The following NAALADL2 variants were observed in gnomAD, a reference collection of about 807,000 sequenced individuals.
The protein encoded by NAALADL2 is N-acetylated alpha-linked acidic dipeptidase like 2.
Under a neutral mutation model 87.2 loss-of-function variants are expected in NAALADL2, and 76 were observed. The ratio of observed to expected loss-of-function variants is 0.87; its 90% CI spans 0.72 to 1.05. NAALADL2 has a LOEUF of 1.05. Ranked by LOEUF, NAALADL2 falls within the 50% of genes least tolerant of loss-of-function variation. The probability of loss-of-function intolerance (pLI) is 0.00; values close to 1 mark genes in which losing one functional copy is unlikely to be tolerated. For missense variants in NAALADL2, 1,089 were observed against 945.8 expected (o/e 1.15, Z -1.99); for synonymous variants, 354 against 331.0 (o/e 1.07, Z -0.75).
intron 2 of NAALADL2, among the ~76,000 whole-genome samples, chr3:174,709,862 G>A (rs1260026788): frequency 6.6e-6 from 1 of 152,186 alleles, no homozygotes; most frequent in Non-Finnish European, 1.5e-5. Context: ...GGGCCGTATA[G>A]TGGAAATTTG....
chr3:175,349,383 A>G (rs1314817410), intron 5 of NAALADL2, among the ~76,000 whole-genome samples: 1 of 152,096 alleles, frequency 6.6e-6, no homozygotes, highest in Non-Finnish European at 1.5e-5. Context: ...GTAGCAGGCC[A>G]AAGAAGAAAT....
chr3:175,456,505 C>T (rs1470507493), intron 6 of NAALADL2, among the ~76,000 whole-genome samples: 2 of 151,940 alleles, frequency 1.3e-5, no homozygotes, highest in Non-Finnish European at 2.9e-5. Flanking sequence ...TAATTAACTG[C>T]CCCTAAATGT....
intron 13 of NAALADL2, among the ~76,000 whole-genome samples, chr3:175,767,166 C>G (rs1272044623): frequency 1.3e-5 from 2 of 151,920 alleles, no homozygotes; most frequent in Admixed American, 1.3e-4. Context: ...TGCTGCTTAA[C>G]CAGTCTGCTT....
chr3:174,698,970 T>C (rs1357981154), intron 2 of NAALADL2, among the ~76,000 whole-genome samples: 1 of 146,686 alleles, frequency 6.8e-6, no homozygotes, highest in Non-Finnish European at 1.5e-5. Context: ...TGTGCGTGTA[T>C]ATATATATAC....
intron 2 of NAALADL2, among the ~76,000 whole-genome samples, chr3:175,108,345 ACTAT>A (rs1327840088): frequency 3.9e-5 from 6 of 151,984 alleles, no homozygotes; most frequent in African/African-American, 1.4e-4. Flanking sequence ...CTTTTTATAA[ACTAT>A]CTAAATCACA....
chr3:175,679,593 T>C (rs1232781467), intron 11 of NAALADL2, among the ~76,000 whole-genome samples: 1 of 152,218 alleles, frequency 6.6e-6, no homozygotes, highest in Non-Finnish European at 1.5e-5. Flanking sequence ...CCATTGCATA[T>C]CTGCTTATTT....
chr3:175,556,163 C>T (rs1234497474), intron 9 of NAALADL2, among the ~76,000 whole-genome samples: 1 of 152,028 alleles, frequency 6.6e-6, no homozygotes, highest in African/African-American at 2.4e-5. Context: ...TCCTCCTTGG[C>T]ACACATTCAC....
chr3:175,242,919 C>A (rs751417852), intron 3 of NAALADL2, among the ~76,000 whole-genome samples: 1 of 151,960 alleles, frequency 6.6e-6, no homozygotes, highest in Non-Finnish European at 1.5e-5. Context: ...AAATATCTAC[C>A]GAATATTAGT....
intron 10 of NAALADL2, among the ~76,000 whole-genome samples, chr3:175,595,994 A>G (rs918129615): frequency 4.6e-5 from 7 of 152,048 alleles, no homozygotes; most frequent in African/African-American, 1.7e-4. Flanking sequence ...AATTACATAT[A>G]AAAATATCTA....
At chr3:174,695,362 ACAGGAG>A (rs1360583435) in intron 2 of NAALADL2, among the ~76,000 whole-genome samples, 1 of 152,034 alleles carries the variant, frequency 6.6e-6, no homozygotes, top group African/African-American at 2.4e-5. Context: ...CAGGGTAAGT[ACAGGAG>A]TTCAGATTCT....
chr3:175,589,561 G>A (rs565193460), intron 10 of NAALADL2, among the ~76,000 whole-genome samples: 37 of 150,722 alleles, frequency 2.5e-4, no homozygotes, highest in Non-Finnish European at 5.0e-4. Flanking sequence ...AATTAATATA[G>A]CTTTTCATGT....
intron 11 of NAALADL2, chr3:175,718,202 T>G (rs1341169998): frequency 3.0e-5 from 18 of 606,318 alleles, no homozygotes; most frequent in East Asian, 2.1e-4. Context: ...GTGGTTTTTT[T>G]TTTTTTTTTT....
intron 5 of NAALADL2, among the ~76,000 whole-genome samples, chr3:175,341,122 C>T (rs1762529059): frequency 6.6e-6 from 1 of 151,978 alleles, no homozygotes; most frequent in East Asian, 1.9e-4. Context: ...TTTCATCACT[C>T]CCAAAAGAAA....
intron 5 of NAALADL2, among the ~76,000 whole-genome samples, chr3:175,356,609 T>TAATAAA (rs1553872598): frequency 0.011 from 1,440 of 132,852 alleles, 6 homozygotes; most frequent in East Asian, 0.034. Flanking sequence ...ATAATAATAA[T>TAATAAA]AAAGAAATAA....
intron 4 of NAALADL2, among the ~76,000 whole-genome samples, chr3:175,323,439 GTAAC>G (rs992963283): frequency 1.2e-4 from 18 of 151,448 alleles, no homozygotes; most frequent in Non-Finnish European, 8.8e-5. Context: ...GTATACATAT[GTAAC>G]TAACCTGCAC....
At chr3:174,876,176 ATCT>A (rs539433401) in intron 1 of NAALADL2, among the ~76,000 whole-genome samples, 2 of 152,274 alleles carry the variant, frequency 1.3e-5, no homozygotes, top group South Asian at 4.1e-4. Flanking sequence ...TACAATAAAA[ATCT>A]TCTCTCTTTG....
chr3:175,078,195 T>C (rs1048425633), intron 1 of NAALADL2, among the ~76,000 whole-genome samples: 2 of 151,994 alleles, frequency 1.3e-5, no homozygotes, highest in Non-Finnish European at 2.9e-5. Context: ...TGGTTAATTT[T>C]TGTATTTTTA....
chr3:175,441,344 G>A (rs768805140), intron 5 of NAALADL2, among the ~76,000 whole-genome samples: 6 of 152,098 alleles, frequency 3.9e-5, no homozygotes, highest in Admixed American at 2.6e-4. Context: ...AGAAAATGTG[G>A]ATAGGTTATA....
At chr3:174,812,278 A>G (rs1047709941) in intron 3 of NAALADL2, among the ~76,000 whole-genome samples, 1 of 152,182 alleles carries the variant, frequency 6.6e-6, no homozygotes, top group East Asian at 1.9e-4. Flanking sequence ...GGGACCACGT[A>G]TATGAGAATA....
Sources: allele counts gnomAD v4.1 joint callset (sites outside exome capture counted in the v4.1 genomes callset), GRCh38; gene constraint gnomAD v4.1.1; transcripts MANE v1.5; gene names NCBI Gene and HGNC (gene_info 2026-07-23, HGNC 2026-07-21).